The following MACROD2 variants were observed in gnomAD, a reference collection of about 807,000 sequenced individuals.
The protein encoded by MACROD2 is mono-ADP ribosylhydrolase 2.
A neutral mutation model predicts 70.4 loss-of-function variants in MACROD2; 36 were observed. The observed-to-expected ratio is 0.51, with a 90% CI of 0.39 to 0.68. The LOEUF is 0.68. MACROD2 is among the 30% of genes least tolerant of loss of function. The pLI is 0.00. For missense variants in MACROD2, 496 were observed against 538.4 expected (o/e 0.92, Z 0.78); for synonymous variants, 172 against 178.8 (o/e 0.96, Z 0.30).
chr20:14,456,055 G>A (rs1432421598), intron 3 of MACROD2, among the ~76,000 whole-genome samples: 1 of 151,694 alleles, frequency 6.6e-6, no homozygotes, highest in Non-Finnish European at 1.5e-5. Context: ...GAATTCTCTT[G>A]TTCCCCTAAG....
chr20:14,912,488 T>C (rs1038361697), intron 5 of MACROD2, among the ~76,000 whole-genome samples: 4 of 152,160 alleles, frequency 2.6e-5, no homozygotes, highest in African/African-American at 7.2e-5. Context: ...AGTTTCCTGT[T>C]GGGGCATGCC....
intron 8 of MACROD2, among the ~76,000 whole-genome samples, chr20:15,714,456 A>T (rs1195773763): frequency 6.6e-6 from 1 of 152,226 alleles, no homozygotes; most frequent in African/African-American, 2.4e-5. Flanking sequence ...AGTAGCCAGA[A>T]GCCAAAGATA....
At chr20:14,601,529 G>T (rs1052132022) in intron 4 of MACROD2, among the ~76,000 whole-genome samples, 3 of 151,452 alleles carry the variant, frequency 2.0e-5, no homozygotes, top group Non-Finnish European at 4.4e-5. Flanking sequence ...GTCCAAAACA[G>T]TATTTTTTTT....
chr20:14,609,981 C>T (rs146799860), intron 4 of MACROD2, among the ~76,000 whole-genome samples: 1 of 152,076 alleles, frequency 6.6e-6, no homozygotes, highest in Non-Finnish European at 1.5e-5. Context: ...ATTTTGTAGT[C>T]AAAAGCTCAT....
intron 3 of MACROD2, among the ~76,000 whole-genome samples, chr20:14,163,503 G>A (rs541202476): frequency 1.9e-4 from 29 of 152,070 alleles, no homozygotes; most frequent in African/African-American, 6.7e-4. Context: ...TCTTGCTAGG[G>A]TAGAGAACTT....
intron 3 of MACROD2, among the ~76,000 whole-genome samples, chr20:14,108,964 A>C (rs1213226521): frequency 1.3e-5 from 2 of 152,062 alleles, no homozygotes; most frequent in Non-Finnish European, 2.9e-5. Context: ...CAGAATACAC[A>C]GTCTTTTCCT....
intron 3 of MACROD2, among the ~76,000 whole-genome samples, chr20:14,226,576 TG>T (rs1215737110): frequency 6.6e-6 from 1 of 152,070 alleles, no homozygotes; most frequent in Non-Finnish European, 1.5e-5. Context: ...CGGGTGGGCG[TG>T]GGCTTGGCGG....
intron 8 of MACROD2, among the ~76,000 whole-genome samples, chr20:15,639,985 G>A (rs1029357236): frequency 6.7e-6 from 1 of 150,000 alleles, no homozygotes. Context: ...GAAAGAGGGG[G>A]TGAGAGAGAA....
intron 5 of MACROD2, among the ~76,000 whole-genome samples, chr20:14,971,415 A>G (rs1437490043): frequency 6.6e-6 from 1 of 151,818 alleles, no homozygotes; most frequent in Non-Finnish European, 1.5e-5. Context: ...AAAGAGAGGA[A>G]TAGCAGATTC....
At chr20:14,812,062 C>T (rs75506906) in intron 5 of MACROD2, among the ~76,000 whole-genome samples, 2 of 152,050 alleles carry the variant, frequency 1.3e-5, no homozygotes, top group African/African-American at 4.8e-5. Context: ...TTTGACCCAG[C>T]CATCCCATTA....
chr20:14,461,303 G>T (rs1478970496), intron 3 of MACROD2, among the ~76,000 whole-genome samples: 1 of 151,884 alleles, frequency 6.6e-6, no homozygotes, highest in African/African-American at 2.4e-5. Context: ...GTGTCTATTT[G>T]ATTCTTCTGT....
At chr20:15,509,653 G>C (rs370899038) in intron 8 of MACROD2, among the ~76,000 whole-genome samples, 3 of 152,146 alleles carry the variant, frequency 2.0e-5, no homozygotes, top group East Asian at 3.9e-4. Context: ...TAAGAGGTAG[G>C]GTGCAGTTAT....
At chr20:16,022,501 C>T (rs1414655471) in intron 15 of MACROD2, among the ~76,000 whole-genome samples, 1 of 152,168 alleles carries the variant, frequency 6.6e-6, no homozygotes, top group East Asian at 1.9e-4. Context: ...GACTCTCAAG[C>T]TTTTACATGT....
At chr20:15,054,662 C>T (rs1283761827) in intron 5 of MACROD2, among the ~76,000 whole-genome samples, 1 of 152,120 alleles carries the variant, frequency 6.6e-6, no homozygotes. Context: ...GTTAATATTG[C>T]TGAGATATGC....
chr20:14,704,751 C>T (rs1600564537), intron 5 of MACROD2, among the ~76,000 whole-genome samples: 1 of 152,158 alleles, frequency 6.6e-6, no homozygotes, highest in African/African-American at 2.4e-5. Flanking sequence ...CTGCACCAGA[C>T]TCTTACCACA....
At chr20:14,903,608 T>A (rs949040610) in intron 5 of MACROD2, among the ~76,000 whole-genome samples, 1 of 152,170 alleles carries the variant, frequency 6.6e-6, no homozygotes, top group Non-Finnish European at 1.5e-5. Context: ...TAAAAATTGC[T>A]GAACCTGGGA....
intron 3 of MACROD2, among the ~76,000 whole-genome samples, chr20:14,369,365 C>G (rs1048132004): frequency 6.6e-6 from 1 of 152,210 alleles, no homozygotes; most frequent in African/African-American, 2.4e-5. Context: ...GGGAAGCTAC[C>G]TGCAGTTTTG....
chr20:14,494,335 A>C (rs1164149598), intron 4 of MACROD2, among the ~76,000 whole-genome samples: 1 of 152,064 alleles, frequency 6.6e-6, no homozygotes, highest in Non-Finnish European at 1.5e-5. Flanking sequence ...GATTGTGCAG[A>C]GCCTTAGGCT....
rs59129207 is a variant in MACROD2 at position 15,227,823 on chromosome 20, G to GTTTTTTT, written c.419-2097_419-2091dup. On this transcript the variant is annotated intron_variant, in intron 5 of 17. Transcript: ENST00000684519. ...TAACTGGTGTGATAGAATTTCACCT[G>GTTTTTTT]TTTTTTTTTTTTTTTTTTTTTTTTT... 9.2e-3 allele frequency among the ~76,000 whole-genome samples: 422 copies of GTTTTTTT among 46,052 alleles called. 109 individuals carry two copies. Among genetic ancestry groups the GTTTTTTT allele is most frequent in the African/African-American group, 0.037 (382 of 10,268 alleles). The allele number at this position is 46,052 out of a possible 152,430, so 30.2% of individuals were successfully genotyped here. A position where few individuals can be genotyped will look rare whatever the true frequency, so the allele number is the denominator to read the frequency against.
Sources: allele counts gnomAD v4.1 joint callset (sites outside exome capture counted in the v4.1 genomes callset), GRCh38; gene constraint gnomAD v4.1.1; transcripts MANE v1.5; gene names NCBI Gene and HGNC (gene_info 2026-07-23, HGNC 2026-07-21).